The following STK35 variants were observed in gnomAD, a reference collection of about 807,000 sequenced individuals.
STK35 encodes the protein serine/threonine kinase 35, also known as serine/threonine-protein kinase 35.
Under a neutral mutation model 37.3 loss-of-function variants are expected in STK35, and 17 were observed. The ratio of observed to expected loss-of-function variants is 0.46; its 90% CI spans 0.31 to 0.68. The LOEUF is 0.68. STK35 is among the 30% of genes least tolerant of loss of function. The pLI is 0.05. For synonymous variants in STK35, 385 were observed against 319.1 expected (o/e 1.21, Z -2.20); for missense variants, 595 against 746.7 (o/e 0.80, Z 2.37).
chr20:2,144,064 TG>T lies in STK35; in HGVS notation c.*319del. 2.8e-6 allele frequency: 1 copy of T among 357,380 alleles called. No individual in the cohort carries two copies. 22.1% of individuals were successfully genotyped at this position (357,380 alleles called of 1,614,324 possible). ...CACCAATTTCTTTAAAGAAATTCAA[TG>T]TGGGCAAGGCATATGTGTAAATTTC... On this transcript the variant is annotated 3_prime_UTR_variant, in exon 4 of 4. Transcript: ENST00000381482.
intron 3 of STK35, among the ~76,000 whole-genome samples, chr20:2,138,777 T>G (rs1214493513): frequency 6.6e-6 from 1 of 152,132 alleles, no homozygotes; most frequent in Non-Finnish European, 1.5e-5. Context: ...CCCAGCACTT[T>G]GGGAGACCAA....
At chr20:2,106,377 TG>T (rs1327537984) in intron 2 of STK35, among the ~76,000 whole-genome samples, 1 of 152,204 alleles carries the variant, frequency 6.6e-6, no homozygotes, top group African/African-American at 2.4e-5. Flanking sequence ...GAATCTGCCT[TG>T]AAGTCTCAAC....
At chr20:2,105,239 C>G (rs1213311322) in intron 2 of STK35, among the ~76,000 whole-genome samples, 1 of 151,744 alleles carries the variant, frequency 6.6e-6, no homozygotes, top group Non-Finnish European at 1.5e-5. Flanking sequence ...TGAAGTCTTT[C>G]TATTCTCAGA....
At position 2,143,842 on chromosome 20, in the gene STK35, C is replaced by T. The variant is rs1256027383; in HGVS notation, c.*96C>T. The T allele has an allele frequency of 1.4e-5, 6 of 431,988 alleles. No individual in the cohort carries two copies. Among genetic ancestry groups the T allele is most frequent in the Non-Finnish European group, 2.7e-5 (6 of 220,430 alleles). The allele number at this position is 431,988 out of a possible 1,614,324, so 26.8% of individuals were successfully genotyped here. A position where few individuals can be genotyped will look rare whatever the true frequency, so the allele number is the denominator to read the frequency against. On this transcript the variant is annotated 3_prime_UTR_variant, in exon 4 of 4. Coordinates refer to ENST00000381482, the MANE Select transcript of STK35 (RefSeq NM_080836.4). ...CTCCTCCAGAGGACGGCAGAGGGTA[C>T]AGGTGGTGGCCTGGCCGGTTGGCGA...
chr20:2,128,036 C>A (rs971679855), intron 3 of STK35, among the ~76,000 whole-genome samples: 1 of 152,166 alleles, frequency 6.6e-6, no homozygotes, highest in Admixed American at 6.5e-5. Flanking sequence ...CAGTGAGAAA[C>A]CCTAGCACCA....
intron 3 of STK35, among the ~76,000 whole-genome samples, chr20:2,143,429 G>A (rs1986202959): frequency 6.6e-6 from 1 of 152,178 alleles, no homozygotes; most frequent in African/African-American, 2.4e-5. Flanking sequence ...AAGGTCTGTG[G>A]GGACAGACTA....
intron 3 of STK35, among the ~76,000 whole-genome samples, chr20:2,141,292 G>A (rs891997417): frequency 6.6e-6 from 1 of 152,208 alleles, no homozygotes; most frequent in Non-Finnish European, 1.5e-5. Context: ...AGACCCACAA[G>A]TGGATTTTTT....
Position 2,146,044 on chromosome 20 carries a change from G to A in STK35, c.*2298G>A, listed in dbSNP as rs1986260853. On this transcript the variant is annotated 3_prime_UTR_variant, in exon 4 of 4. Transcript: ENST00000381482. ...CACCCCTGTAGGTGACAGGTGGGCA[G>A]CCTGGTAGGGGTCGCCAGCCTCCAT... The A allele has an allele frequency of 6.6e-6, 1 of 152,216 alleles. No homozygotes were observed. Among genetic ancestry groups the A allele is most frequent in the African/African-American group, 2.4e-5 (1 of 41,430 alleles). 9.4% of individuals were successfully genotyped at this position (152,216 alleles called of 1,614,324 possible).
rs950094667 is a variant in STK35 at position 2,102,986 on chromosome 20, G to C, written c.513G>C (p.Arg171=). 4.2e-6 allele frequency: 6 copies of C among 1,419,970 alleles called. No homozygotes were observed. Among genetic ancestry groups the C allele is most frequent in the South Asian group, 2.9e-5 (2 of 67,864 alleles). 88.0% of individuals were successfully genotyped at this position (1,419,970 alleles called of 1,614,324 possible). Residue 171 remains arginine, a synonymous_variant, in exon 2 of 4, where the codon CGG becomes CGC. Coordinates refer to ENST00000381482, the MANE Select transcript of STK35 (RefSeq NM_080836.4). ...AGCTGAGGCCGGCGGCGGCGGCCCGGGCCATGGATCCGGTGGCGGCCGAGG... is the reference window on the plus strand; with the variant it reads ...AGCTGAGGCCGGCGGCGGCGGCCCGCGCCATGGATCCGGTGGCGGCCGAGG... The part of the protein sequence containing the change: ...STKLRPAAAA[R]AMDPVAAEAP...
intron 3 of STK35, 141 bp from the exon 4 acceptor site, chr20:2,143,643 G>A: frequency 4.4e-6 from 1 of 226,852 alleles, no homozygotes; most frequent in South Asian, 5.0e-5. Flanking sequence ...CAGGGAGGTT[G>A]TGAAGCTAGA....
In STK35 at chr20:2,117,418, G is replaced by A. The variant is rs780520923; in HGVS notation, c.*37+3G>A. 2.7e-6 allele frequency: 4 copies of A among 1,500,374 alleles called. No individual in the cohort carries two copies. In the East Asian group the frequency reaches 6.8e-5, roughly 26 times the overall value. The allele number at this position is 1,500,374 out of a possible 1,614,324, so 92.9% of individuals were successfully genotyped here. A position where few individuals can be genotyped will look rare whatever the true frequency, so the allele number is the denominator to read the frequency against. On this transcript the variant is annotated splice_donor_region_variant and intron_variant, in intron 3 of 3. Transcript: ENST00000381482. The surrounding 1 kb of genome is among the most constrained non-coding windows in gnomAD (Gnocchi z 4.4). ...CATTTTGGGTGATTTTAAACTAGGT[G>A]AGTGCTCTCTGTTGTTGTTTTTTGT...
At chr20:2,113,000 C>T (rs985488092) in intron 2 of STK35, among the ~76,000 whole-genome samples, 3 of 152,106 alleles carry the variant, frequency 2.0e-5, no homozygotes, top group Non-Finnish European at 4.4e-5. Flanking sequence ...GTGGGTGGGT[C>T]GGGAGCCCAC....
intron 3 of STK35, among the ~76,000 whole-genome samples, chr20:2,139,371 C>T (rs183015972): frequency 3.9e-5 from 6 of 152,350 alleles, no homozygotes; most frequent in Non-Finnish European, 7.4e-5. Flanking sequence ...CCCCCGAGCA[C>T]TAGACCTGTG....
chr20:2,108,924 G>A (rs1280587717), intron 2 of STK35, among the ~76,000 whole-genome samples: 1 of 152,174 alleles, frequency 6.6e-6, no homozygotes, highest in Non-Finnish European at 1.5e-5. Flanking sequence ...TCTAAATTCT[G>A]GATCCTGACC....
chr20:2,135,558 G>C (rs973849125), intron 3 of STK35, among the ~76,000 whole-genome samples: 2 of 152,168 alleles, frequency 1.3e-5, no homozygotes, highest in African/African-American at 4.8e-5. Context: ...CTAGAAAGAG[G>C]CTTTGTGCAT....
At chr20:2,137,977 T>C (rs1986114314) in intron 3 of STK35, among the ~76,000 whole-genome samples, 2 of 152,208 alleles carry the variant, frequency 1.3e-5, no homozygotes, top group African/African-American at 4.8e-5. Context: ...CACGATATGC[T>C]GAAAATTAAT....
rs368298980 is a variant in STK35 at position 2,103,172 on chromosome 20, C to T, written c.699C>T (p.Ile233=). 1.2e-6 allele frequency: 2 copies of T among 1,607,150 alleles called. No homozygotes were observed. Among genetic ancestry groups the T allele is most frequent in the South Asian group, 1.1e-5 (1 of 90,696 alleles). Residue 233 remains isoleucine (I), a synonymous_variant, in exon 2 of 4, where the codon ATC becomes ATT. Coordinates refer to ENST00000381482, the MANE Select transcript of STK35 (RefSeq NM_080836.4). Reference sequence around the variant, plus strand: ...GGGCCCGGGTGGCGGTCAAGAAGATCCGCTGCGACGCCCCCGAGAACGTGG... The same window carrying T: ...GGGCCCGGGTGGCGGTCAAGAAGATTCGCTGCGACGCCCCCGAGAACGTGG... The part of the protein sequence containing the change: ...RSGARVAVKK[I]RCDAPENVEL...
intron 2 of STK35, among the ~76,000 whole-genome samples, chr20:2,116,362 G>A (rs1985716954): frequency 6.6e-6 from 1 of 152,164 alleles, no homozygotes; most frequent in Non-Finnish European, 1.5e-5. Flanking sequence ...GCAGCTTTGG[G>A]AGGTGTGGGT....
Position 2,102,853 on chromosome 20 carries a change from T to A in STK35, c.380T>A (p.Leu127His). The change falls in exon 2 of 4, where the codon CTC (leucine) becomes CAC (histidine). Residue 127 changes from leucine (L) to histidine (H), a missense_variant. Leu to His is a moderately conservative substitution (Grantham distance 99). Transcript: ENST00000381482. ...GGGGCCCGGGCAGCGCCGTTGCTGCTCCCCCCGCCGCCCGCAGCCATGGAA... is the reference window on the plus strand; with the variant it reads ...GGGGCCCGGGCAGCGCCGTTGCTGCACCCCCCGCCGCCCGCAGCCATGGAA... ...AGGARAAPLL[L>H]PPPPAAMETG... 6.5e-7 allele frequency: 1 copy of A among 1,542,260 alleles called. No individual in the cohort carries two copies.
Sources: allele counts gnomAD v4.1 joint callset (sites outside exome capture counted in the v4.1 genomes callset), GRCh38; gene constraint gnomAD v4.1.1; non-coding constraint Gnocchi (gnomAD v3.1); transcripts MANE v1.5; gene names NCBI Gene and HGNC (gene_info 2026-07-23, HGNC 2026-07-21).